ARHGEF12: variants seen among roughly 807,000 people sequenced by gnomAD.
ARHGEF12 encodes Rho guanine nucleotide exchange factor 12.
ARHGEF12 carries 66 observed loss-of-function variants against 211.2 expected under a neutral mutation model. The observed-to-expected ratio is 0.31, with a 90% CI of 0.26 to 0.38. The LOEUF is 0.38. Among genes scored for constraint, ARHGEF12 ranks in the 10% least tolerant of loss-of-function variants. The pLI is 1.00. For missense variants in ARHGEF12, 1,429 were observed against 1,869.5 expected (o/e 0.76, Z 4.34); for synonymous variants, 592 against 638.4 (o/e 0.93, Z 1.09).
chr11:120,347,404 C>A (rs1282540832), intron 1 of ARHGEF12, among the ~76,000 whole-genome samples: 1 of 151,484 alleles, frequency 6.6e-6, no homozygotes, highest in Admixed American at 6.6e-5. Context: ...TGGAATGATG[C>A]CAGTTGAAAG....
chr11:120,413,132 A>G lies in ARHGEF12; in HGVS notation c.199+3682A>G, dbSNP rs186795011. On this transcript the variant is annotated intron_variant, in intron 4 of 40. Transcript: ENST00000397843. Reference sequence around the variant, plus strand: ...AGGTAGTTATTAAGATAATGCCACAATTTGTTTCCAATTTATTCTACTCTG... The same window carrying G: ...AGGTAGTTATTAAGATAATGCCACAGTTTGTTTCCAATTTATTCTACTCTG... 1.9e-3 allele frequency among the ~76,000 whole-genome samples: 296 copies of G among 152,284 alleles called. 2 individuals are homozygous for G. The highest frequency in any genetic ancestry group is 6.7e-3 in the African/African-American group (280 of 41,572).
At chr11:120,381,492 C>T (rs1943876828) in intron 1 of ARHGEF12, among the ~76,000 whole-genome samples, 1 of 152,206 alleles carries the variant, frequency 6.6e-6, no homozygotes. Flanking sequence ...ATTAGCCTTA[C>T]AATTTCAAGT....
intron 1 of ARHGEF12, among the ~76,000 whole-genome samples, chr11:120,387,651 GGTA>G: frequency 6.6e-6 from 1 of 152,144 alleles, no homozygotes; most frequent in Non-Finnish European, 1.5e-5. Context: ...CAAAATTATT[GGTA>G]GTATAGAACT....
intron 28 of ARHGEF12, among the ~76,000 whole-genome samples, chr11:120,466,643 A>G (rs1946713630): frequency 6.6e-6 from 1 of 152,232 alleles, no homozygotes. Context: ...TCTTTACTAC[A>G]CAGAGCCTTG....
chr11:120,415,781 A>C (rs1303133992), intron 4 of ARHGEF12, among the ~76,000 whole-genome samples: 1 of 152,238 alleles, frequency 6.6e-6, no homozygotes, highest in East Asian at 1.9e-4. Flanking sequence ...GATAGACAGG[A>C]CAGAATAGTA....
At position 120,469,247 on chromosome 11, in the gene ARHGEF12, G is replaced by T. The variant is rs1182765543; in HGVS notation, c.2855-41G>T. 2 of 1,454,282 alleles carry T rather than the reference G, an allele frequency of 1.4e-6. No homozygotes were observed. The highest frequency in any genetic ancestry group is 1.8e-4 in the Middle Eastern group (1 of 5,698). The allele number at this position is 1,454,282 out of a possible 1,614,324, so 90.1% of individuals were successfully genotyped here. Reference sequence around the variant, plus strand: ...ATTTACATATATTTTATGGTTTTTTGCTCAGTTCTTTTACATTTTGGATTT... The same window carrying T: ...ATTTACATATATTTTATGGTTTTTTTCTCAGTTCTTTTACATTTTGGATTT... On this transcript the variant is annotated intron_variant, in intron 29 of 40. Transcript: ENST00000397843.
At chr11:120,377,820 A>T (rs149600171) in intron 1 of ARHGEF12, among the ~76,000 whole-genome samples, 96 of 152,306 alleles carry the variant, frequency 6.3e-4, no homozygotes, top group African/African-American at 2.3e-3. Flanking sequence ...AATAAATCTG[A>T]ACATTTTCCT....
At chr11:120,451,847 T>A in intron 22 of ARHGEF12, 123 bp downstream of exon 22, 1 of 893,874 alleles carries the variant, frequency 1.1e-6, no homozygotes, top group Non-Finnish European at 1.7e-6. Context: ...TTTGACATTT[T>A]AATATGCTAC....
Position 120,477,440 on chromosome 11 carries a change from TC to T in ARHGEF12, c.3453-6del. The T allele has an allele frequency of 2.7e-6, 4 of 1,479,160 alleles. No individual in the cohort carries two copies. The highest frequency in any genetic ancestry group is 2.4e-5 in the South Asian group (2 of 82,778). 91.6% of individuals were successfully genotyped at this position (1,479,160 alleles called of 1,614,324 possible). A position where few individuals can be genotyped will look rare whatever the true frequency, so the allele number is the denominator to read the frequency against. On this transcript the variant is annotated splice_polypyrimidine_tract_variant and splice_region_variant and intron_variant, in intron 35 of 40. Coordinates refer to ENST00000397843, the MANE Select transcript of ARHGEF12 (RefSeq NM_015313.3). ...AAAAGTTTTTTTTTTTTTTTTTTTC[TC>T]TACAGAGGAGATAATGATGAAGAAG...
At chr11:120,353,319 C>T (rs1160035969) in intron 1 of ARHGEF12, among the ~76,000 whole-genome samples, 1 of 152,158 alleles carries the variant, frequency 6.6e-6, no homozygotes, top group Middle Eastern at 3.2e-3. Context: ...TTATCACAGT[C>T]GCAGAATCTT....
chr11:120,340,302 A>G (rs936642319), intron 1 of ARHGEF12, among the ~76,000 whole-genome samples: 11 of 152,332 alleles, frequency 7.2e-5, no homozygotes, highest in South Asian at 2.1e-4. Context: ...ATTTCAGGCC[A>G]GTGTCTATAA....
chr11:120,364,054 C>G (rs973672028), intron 1 of ARHGEF12, among the ~76,000 whole-genome samples: 5 of 152,152 alleles, frequency 3.3e-5, no homozygotes, highest in African/African-American at 1.2e-4. Context: ...AGTGATCCTC[C>G]CATTTCAGCC....
intron 1 of ARHGEF12, among the ~76,000 whole-genome samples, chr11:120,381,510 C>T (rs1245472398): frequency 6.6e-6 from 1 of 152,198 alleles, no homozygotes; most frequent in Non-Finnish European, 1.5e-5. Flanking sequence ...AGTCAAAACA[C>T]CGTGTTCCAA....
chr11:120,437,568 C>G (rs931867764), intron 12 of ARHGEF12, among the ~76,000 whole-genome samples, 186 bp downstream of exon 12: 3 of 152,036 alleles, frequency 2.0e-5, no homozygotes, highest in Admixed American at 2.0e-4. Flanking sequence ...TGTAAGTATT[C>G]TTAGGTTCCT....
At chr11:120,471,727 GA>G (rs1460972997) in intron 30 of ARHGEF12, among the ~76,000 whole-genome samples, 4 of 152,158 alleles carry the variant, frequency 2.6e-5, no homozygotes, top group African/African-American at 9.7e-5. Flanking sequence ...TGGATAGAGG[GA>G]TGAATAAATA....
intron 37 of ARHGEF12, among the ~76,000 whole-genome samples, chr11:120,478,659 TTTC>T (rs1455083009): frequency 2.6e-5 from 4 of 152,146 alleles, no homozygotes; most frequent in African/African-American, 9.7e-5. Context: ...CTGAGAACAA[TTTC>T]TTTGGCTGGG....
At chr11:120,480,915 G>C (rs941095956) in intron 38 of ARHGEF12, among the ~76,000 whole-genome samples, 2 of 152,200 alleles carry the variant, frequency 1.3e-5, no homozygotes, top group African/African-American at 4.8e-5. Context: ...TTGTGTCAAA[G>C]AGCAAGCTTT....
At chr11:120,461,381 T>C (rs1056477280) in intron 27 of ARHGEF12, among the ~76,000 whole-genome samples, 2 of 152,188 alleles carry the variant, frequency 1.3e-5, no homozygotes, top group African/African-American at 4.8e-5. Context: ...GCATTGTCAA[T>C]GGGCAGTAAT....
intron 4 of ARHGEF12, among the ~76,000 whole-genome samples, chr11:120,412,077 C>G (rs995765022): frequency 6.6e-6 from 1 of 152,124 alleles, no homozygotes; most frequent in South Asian, 2.1e-4. Context: ...GTTATTTATT[C>G]CATTTCCCCT....
Sources: allele counts gnomAD v4.1 joint callset (sites outside exome capture counted in the v4.1 genomes callset), GRCh38; gene constraint gnomAD v4.1.1; transcripts MANE v1.5; gene names NCBI Gene and HGNC (gene_info 2026-07-23, HGNC 2026-07-21).